The following ZNF407 variants were observed in gnomAD, a reference collection of about 807,000 sequenced individuals.
The protein encoded by ZNF407 is zinc finger protein 407.
Under a neutral mutation model 131.2 loss-of-function variants are expected in ZNF407, and 17 were observed. That is an observed-to-expected ratio of 0.13 (90% confidence interval 0.09 to 0.19). The LOEUF (loss-of-function observed/expected upper bound fraction) is 0.19. ZNF407 is among the 10% of genes least tolerant of loss of function. The pLI, the probability that ZNF407 is intolerant of heterozygous loss-of-function variation, is 1.00. For missense variants in ZNF407, 2,681 were observed against 2,830.6 expected (o/e 0.95, Z 1.20); for synonymous variants, 1,156 against 1,062.0 (o/e 1.09, Z -1.72).
At chr18:74,652,706 C>G (rs1464471559) in intron 3 of ZNF407, among the ~76,000 whole-genome samples, 1 of 151,754 alleles carries the variant, frequency 6.6e-6, no homozygotes, top group East Asian at 1.9e-4. Flanking sequence ...GAGGTGCTTC[C>G]TCCCTTGGTC....
intron 8 of ZNF407, among the ~76,000 whole-genome samples, chr18:74,974,956 A>G (rs1972511896): frequency 1.3e-5 from 2 of 152,232 alleles, no homozygotes; most frequent in African/African-American, 4.8e-5. Context: ...CTTAGTTGAT[A>G]TCGATCTACT....
chr18:74,684,248 T>G (rs541494578), intron 3 of ZNF407, among the ~76,000 whole-genome samples: 2 of 152,224 alleles, frequency 1.3e-5, no homozygotes, highest in South Asian at 4.1e-4. Context: ...GGGTAACAGA[T>G]TATCCCCCTA....
chr18:74,714,083 G>C (rs1967834263), intron 3 of ZNF407, among the ~76,000 whole-genome samples: 1 of 152,164 alleles, frequency 6.6e-6, no homozygotes, highest in Non-Finnish European at 1.5e-5. Context: ...AAAGCTATTT[G>C]AAAAGTTACT....
chr18:74,839,075 G>T (rs576021639), intron 4 of ZNF407, among the ~76,000 whole-genome samples: 3 of 151,438 alleles, frequency 2.0e-5, no homozygotes, highest in African/African-American at 7.3e-5. Flanking sequence ...ACCCTAAAAC[G>T]GACAATTTCT....
In ZNF407 at chr18:74,877,355, C is replaced by T. The variant is rs976526612; in HGVS notation, c.5036C>T (p.Thr1679Met). 3.1e-6 allele frequency: 5 copies of T among 1,613,034 alleles called. No homozygotes were observed. The highest frequency in any genetic ancestry group is 2.2e-5 in the East Asian group (1 of 44,870). ...TCCGCAATGAAAGACCACTACAGGA[C>T]GCACACAGGTGTGCCGCGCCGCCTT... ...TASAMKDHYR[T>M]HTGEKSFLCD... Residue 1679 changes from threonine to methionine, a missense_variant, in exon 5 of 9, where the codon ACG becomes ATG. Transcript: ENST00000299687.
intron 1 of ZNF407, among the ~76,000 whole-genome samples, chr18:74,628,265 C>A (rs1363179200): frequency 6.6e-6 from 1 of 151,930 alleles, no homozygotes; most frequent in African/African-American, 2.4e-5. Flanking sequence ...TTTTAAACAG[C>A]TTTATTGAGA....
At chr18:74,810,974 T>C (rs1270447674) in intron 4 of ZNF407, among the ~76,000 whole-genome samples, 1 of 152,034 alleles carries the variant, frequency 6.6e-6, no homozygotes, top group African/African-American at 2.4e-5. Context: ...CCAAAAGCAA[T>C]GGCCAAAAAC....
intron 8 of ZNF407, among the ~76,000 whole-genome samples, chr18:74,975,078 C>A (rs1248978792): frequency 6.6e-6 from 1 of 152,152 alleles, no homozygotes; most frequent in Non-Finnish European, 1.5e-5. Context: ...TTATGTAAAG[C>A]GTAATTCTGA....
intron 1 of ZNF407, among the ~76,000 whole-genome samples, chr18:74,609,638 T>C (rs184093682): frequency 1.0e-3 from 159 of 152,328 alleles, no homozygotes; most frequent in Admixed American, 2.2e-3. Context: ...ATTACACTTT[T>C]GTATAACTGG....
At chr18:74,803,909 A>G (rs1315064611) in intron 4 of ZNF407, 21 of 1,537,916 alleles carry the variant, frequency 1.4e-5, no homozygotes, top group Non-Finnish European at 1.8e-5. Flanking sequence ...AATGCTTTAC[A>G]ACGTGCCTTG....
chr18:74,867,590 G>A (rs1246053157), intron 4 of ZNF407, among the ~76,000 whole-genome samples: 3 of 152,208 alleles, frequency 2.0e-5, no homozygotes, highest in African/African-American at 7.2e-5. Context: ...GACTGCAAAT[G>A]TGATTTCTGA....
At chr18:74,707,253 C>A (rs945245334) in intron 3 of ZNF407, among the ~76,000 whole-genome samples, 1 of 152,128 alleles carries the variant, frequency 6.6e-6, no homozygotes, top group Non-Finnish European at 1.5e-5. Flanking sequence ...ACCCAGCTAG[C>A]AGTTGTTTCA....
intron 3 of ZNF407, among the ~76,000 whole-genome samples, chr18:74,746,175 G>GAGTAC (rs1444307976): frequency 6.6e-6 from 1 of 152,130 alleles, no homozygotes; most frequent in African/African-American, 2.4e-5. Context: ...GGTACAGTAA[G>GAGTAC]AGTACAGTAC....
chr18:75,032,365 GT>G (rs1231596622), intron 8 of ZNF407, among the ~76,000 whole-genome samples: 1 of 152,130 alleles, frequency 6.6e-6, no homozygotes, highest in African/African-American at 2.4e-5. Context: ...TTCATCCCAA[GT>G]TCCCTGCTTT....
chr18:74,641,787 TA>T (rs1185170428), intron 3 of ZNF407, among the ~76,000 whole-genome samples: 1 of 152,220 alleles, frequency 6.6e-6, no homozygotes, highest in African/African-American at 2.4e-5. Context: ...CAGAAATGTT[TA>T]AAAGGTTTTA....
intron 4 of ZNF407, among the ~76,000 whole-genome samples, chr18:74,840,540 GATTTT>G (rs762724673): frequency 9.1e-4 from 138 of 152,174 alleles, no homozygotes; most frequent in Non-Finnish European, 1.6e-3. Context: ...CTCTCTTACA[GATTTT>G]ATTTTATTTT....
chr18:74,656,047 C>A (rs576565647), intron 3 of ZNF407, among the ~76,000 whole-genome samples: 1 of 151,858 alleles, frequency 6.6e-6, no homozygotes, highest in African/African-American at 2.4e-5. Flanking sequence ...TTCTTGAAGA[C>A]AAATGAATTA....
At chr18:74,880,934 G>A (rs1291333883) in intron 5 of ZNF407, 102 bp from the exon 6 acceptor site, 7 of 979,066 alleles carry the variant, frequency 7.1e-6, no homozygotes, top group South Asian at 1.4e-5. Context: ...TATTTACATG[G>A]AAACATTTGA....
chr18:74,952,631 G>C lies in ZNF407; in HGVS notation c.5428+31939G>C, dbSNP rs138724020. Reference sequence around the variant, plus strand: ...GGGGCTGGACGATTGTGCATACAAGGTTAGGGAAAATCTCTCTTAAGAATA... The same window carrying C: ...GGGGCTGGACGATTGTGCATACAAGCTTAGGGAAAATCTCTCTTAAGAATA... On this transcript the variant is annotated intron_variant, in intron 8 of 8. Transcript: ENST00000299687. 2.0e-3 allele frequency among the ~76,000 whole-genome samples: 305 copies of C among 152,340 alleles called. 1 individual carries two copies. The highest frequency in any genetic ancestry group is 4.2e-3 in the African/African-American group (173 of 41,568).
Sources: gnomAD v4.1 joint callset for allele counts (sites outside exome capture counted in the v4.1 genomes callset) on GRCh38, gnomAD v4.1.1 for gene constraint, MANE v1.5 for transcripts, NCBI Gene and HGNC (gene_info 2026-07-23, HGNC 2026-07-21) for gene names.